Variants in LRP1B observed in about 807,000 individuals in gnomAD.
The protein encoded by LRP1B is low-density lipoprotein receptor-related protein 1B.
Under a neutral mutation model 556.6 loss-of-function variants are expected in LRP1B, and 217 were observed. The observed-to-expected ratio is 0.39, with a 90% confidence interval of 0.35 to 0.44. The LOEUF (loss-of-function observed/expected upper bound fraction) is 0.44, where lower values mean the gene tolerates loss of function less well. LRP1B is among the 20% of genes least tolerant of loss of function. The pLI is 1.00. For missense variants in LRP1B, 5,053 were observed against 5,620.8 expected, an observed-to-expected ratio of 0.90 and a Z score of 3.23; for synonymous variants, 2,047 against 1,865.8, an observed-to-expected ratio of 1.10 and a Z score of -2.50.
chr2:141,296,990 G>T (rs1268092089), intron 3 of LRP1B, among the ~76,000 whole-genome samples: 1 of 152,152 alleles, frequency 6.6e-6, no homozygotes, highest in Non-Finnish European at 1.5e-5. Context: ...AATTTCCTTA[G>T]AATAATGGAC....
At chr2:141,067,468 C>T (rs1699508815) in intron 7 of LRP1B, among the ~76,000 whole-genome samples, 1 of 151,908 alleles carries the variant, frequency 6.6e-6, no homozygotes, top group African/African-American at 2.4e-5. Context: ...TACATAAACA[C>T]ACAGAAATTA....
intron 1 of LRP1B, among the ~76,000 whole-genome samples, chr2:141,811,513 C>G (rs1304952502): frequency 6.6e-6 from 1 of 151,946 alleles, no homozygotes; most frequent in Non-Finnish European, 1.5e-5. Context: ...TTTCCTTACT[C>G]TCCCTCAACT....
rs2104891179 is a variant in LRP1B at position 140,501,771 on chromosome 2, C to T, written c.8766G>A (p.Glu2922=). The change falls in exon 55 of 91, where the codon GAG becomes GAA. Residue 2922 remains glutamate, a synonymous_variant. Coordinates refer to ENST00000389484, the MANE Select transcript of LRP1B (RefSeq NM_018557.3). ...NKDDCGDGSD[E]RNCHINECLS... ...AACATTCATTTATATGGCAGTTTCT[C>T]TCATCTGAACCATCGCCACAGTCAT... The T allele has an allele frequency of 6.2e-7, 1 of 1,612,842 alleles. No homozygotes were observed. The highest frequency in any genetic ancestry group is 8.5e-7 in the Non-Finnish European group (1 of 1,179,190).
intron 6 of LRP1B, 65 bp downstream of exon 6, chr2:141,229,118 C>T (rs2105292886): frequency 2.0e-6 from 3 of 1,530,180 alleles, no homozygotes; most frequent in Non-Finnish European, 2.7e-6. Flanking sequence ...TTTGAGAATC[C>T]AGCCTACGGG....
intron 43 of LRP1B, among the ~76,000 whole-genome samples, chr2:140,579,667 C>G (rs914635090): frequency 2.0e-5 from 3 of 152,192 alleles, no homozygotes; most frequent in African/African-American, 4.8e-5. Flanking sequence ...CAGGGCATAA[C>G]CCCATCTCTA....
intron 43 of LRP1B, among the ~76,000 whole-genome samples, chr2:140,571,622 C>A (rs1681324448): frequency 9.5e-5 from 1 of 10,476 alleles, no homozygotes; most frequent in African/African-American, 2.1e-4. Flanking sequence ...ATCAAAATAC[C>A]AATGACATTT....
chr2:141,842,415 C>A (rs1186533831), intron 1 of LRP1B, among the ~76,000 whole-genome samples: 1 of 151,930 alleles, frequency 6.6e-6, no homozygotes, highest in Admixed American at 6.6e-5. Context: ...CGATTTGAAC[C>A]TTACTTTTCA....
At chr2:141,543,288 A>G (rs1685332858) in intron 2 of LRP1B, among the ~76,000 whole-genome samples, 1 of 151,782 alleles carries the variant, frequency 6.6e-6, no homozygotes, top group Non-Finnish European at 1.5e-5. Flanking sequence ...GCTGGAGATC[A>G]TTTGAGCCCA....
chr2:142,074,484 T>G (rs1344827008), intron 1 of LRP1B, among the ~76,000 whole-genome samples: 2 of 152,098 alleles, frequency 1.3e-5, no homozygotes, highest in African/African-American at 4.8e-5. Context: ...ATAGTCTCTT[T>G]TATGGAGATG....
intron 3 of LRP1B, among the ~76,000 whole-genome samples, chr2:141,422,582 A>C (rs1208119036): frequency 6.6e-6 from 1 of 152,230 alleles, no homozygotes; most frequent in Admixed American, 6.5e-5. Context: ...ACACATGCAC[A>C]CACACATATG....
intron 41 of LRP1B, among the ~76,000 whole-genome samples, chr2:140,613,330 T>A (rs984212137): frequency 1.4e-5 from 2 of 143,154 alleles, no homozygotes; most frequent in African/African-American, 2.5e-5. Context: ...TAAATATATA[T>A]AATTATATAC....
intron 66 of LRP1B, among the ~76,000 whole-genome samples, chr2:140,393,858 C>T (rs17387156): frequency 0.02 from 3,106 of 152,206 alleles, 37 homozygotes; most frequent in African/African-American, 0.028. Context: ...GCAGATTAAC[C>T]ATCTCTTAAC....
intron 66 of LRP1B, among the ~76,000 whole-genome samples, chr2:140,413,579 C>T (rs966323155): frequency 1.3e-5 from 2 of 152,080 alleles, no homozygotes; most frequent in Admixed American, 6.6e-5. Context: ...AGACACTTAC[C>T]ATGTTAAAAA....
At chr2:140,262,753 C>T (rs551887977) in intron 86 of LRP1B, among the ~76,000 whole-genome samples, 8 of 152,224 alleles carry the variant, frequency 5.3e-5, no homozygotes, top group African/African-American at 1.9e-4. Context: ...TACTATGTCC[C>T]TTTGTGAATG....
intron 43 of LRP1B, among the ~76,000 whole-genome samples, chr2:140,543,967 C>T (rs1680230485): frequency 6.6e-6 from 1 of 151,782 alleles, no homozygotes; most frequent in African/African-American, 2.4e-5. Flanking sequence ...AAAACATGTA[C>T]AAGAATCTGA....
intron 1 of LRP1B, among the ~76,000 whole-genome samples, chr2:142,069,735 G>A (rs1379145845): frequency 6.6e-6 from 1 of 151,598 alleles, no homozygotes; most frequent in African/African-American, 2.4e-5. Context: ...CAAGGAGTAG[G>A]GTTACAAAAG....
chr2:142,054,724 C>A (rs1704598457), intron 1 of LRP1B, among the ~76,000 whole-genome samples: 1 of 151,996 alleles, frequency 6.6e-6, no homozygotes, highest in Non-Finnish European at 1.5e-5. Flanking sequence ...ATAGACTGCA[C>A]CTTATTTAAT....
intron 18 of LRP1B, among the ~76,000 whole-genome samples, chr2:140,958,461 G>A (rs986440690): frequency 1.3e-5 from 2 of 151,586 alleles, no homozygotes; most frequent in Non-Finnish European, 3.0e-5. Flanking sequence ...TACACTTGAA[G>A]AGAGAATTAC....
chr2:141,428,846 T>C (rs1298429174), intron 3 of LRP1B, among the ~76,000 whole-genome samples: 4 of 152,228 alleles, frequency 2.6e-5, no homozygotes, highest in African/African-American at 9.6e-5. Context: ...TAATCATCTG[T>C]ATAAGTCTCT....
Sources: gnomAD v4.1 joint callset for allele counts (sites outside exome capture counted in the v4.1 genomes callset) on GRCh38, gnomAD v4.1.1 for gene constraint, MANE v1.5 for transcripts, NCBI Gene and HGNC (gene_info 2026-07-23, HGNC 2026-07-21) for gene names.